SOCS2: variants seen among roughly 807,000 people sequenced by gnomAD.
The protein encoded by SOCS2 is CIS-2.
SOCS2 carries 10 observed loss-of-function variants against 18.6 expected under a neutral mutation model. The ratio of observed to expected loss-of-function variants is 0.54; its 90% confidence interval spans 0.33 to 0.91. The LOEUF is 0.91. Among genes scored for constraint, SOCS2 ranks in the 40% least tolerant of loss-of-function variants. The probability of loss-of-function intolerance (pLI) is 0.02; values close to 1 mark genes in which losing one functional copy is unlikely to be tolerated. For missense variants in SOCS2, 231 were observed against 247.2 expected (o/e 0.93, Z 0.44); for synonymous variants, 104 against 104.0 (o/e 1.00, Z 0.00).
the SOCS2 span, among the ~76,000 whole-genome samples, chr12:93,610,490 G>T: frequency 6.6e-6 from 1 of 152,296 alleles, no homozygotes; most frequent in African/African-American, 2.4e-5. Context: ...CACAGTTTGA[G>T]TAACATTGTG....
chr12:93,618,776 G>A, the SOCS2 span, among the ~76,000 whole-genome samples: 2,309 of 150,958 alleles, frequency 0.015, 61 homozygotes, highest in African/African-American at 0.054. Context: ...AAGCTATTAT[G>A]TTAATATGGT....
chr12:93,579,580 A>G (rs1042244576), downstream of SOCS2, among the ~76,000 whole-genome samples: 5 of 152,204 alleles, frequency 3.3e-5, no homozygotes, highest in South Asian at 2.1e-4. Context: ...TCTGTAAGTA[A>G]GAACGATTCT....
the SOCS2 span, among the ~76,000 whole-genome samples, chr12:93,614,576 T>C: frequency 7.1e-5 from 6 of 84,404 alleles, no homozygotes; most frequent in Non-Finnish European, 2.2e-5. Flanking sequence ...TCTTTCTTTC[T>C]TTCTTTCTTT....
At chr12:93,573,370 C>T in intron 1 of SOCS2, 1 of 495,324 alleles carries the variant, frequency 2.0e-6, no homozygotes. Flanking sequence ...CGGGCGCCTC[C>T]CTTTGCACGG....
chr12:93,588,639 G>C, the SOCS2 span, among the ~76,000 whole-genome samples: 4 of 149,766 alleles, frequency 2.7e-5, no homozygotes, highest in Admixed American at 2.0e-4. Context: ...TTTTGAGCCA[G>C]AGTCTCGCTC....
chr12:93,600,465 T>C, the SOCS2 span, among the ~76,000 whole-genome samples: 1 of 152,140 alleles, frequency 6.6e-6, no homozygotes, highest in Non-Finnish European at 1.5e-5. Flanking sequence ...TTTTTGATTC[T>C]TTACTCTTTG....
At chr12:93,578,446 G>A (rs1366509520), downstream of SOCS2, among the ~76,000 whole-genome samples, 1 of 152,152 alleles carries the variant, frequency 6.6e-6, no homozygotes, top group Non-Finnish European at 1.5e-5. Flanking sequence ...TTGAGTGGCT[G>A]TGGTTATGTC....
chr12:93,625,694 G>A, the SOCS2 span, among the ~76,000 whole-genome samples: 5 of 145,942 alleles, frequency 3.4e-5, no homozygotes, highest in Admixed American at 3.6e-4. Context: ...GTTGCAATGA[G>A]CTGAGATCAC....
chr12:93,624,653 C>T, the SOCS2 span, among the ~76,000 whole-genome samples: 9 of 152,106 alleles, frequency 5.9e-5, no homozygotes, highest in Admixed American at 2.0e-4. Context: ...AGACAATACT[C>T]ATCACCCAAG....
rs769795840 is a variant in SOCS2 at position 93,573,027 on chromosome 12, G to C, written c.130G>C (p.Gly44Arg). Reference sequence around the variant, plus strand: ...TCTGGCGAAGGCCCTGCGGGAGCTCGGTCAGACAGGTAGGGAGCCGATCGG... The same window carrying C: ...TCTGGCGAAGGCCCTGCGGGAGCTCCGTCAGACAGGTAGGGAGCCGATCGG... ...ARLAKALREL[G>R]QTGWYWGSMT... The change falls in exon 1 of 2, where the codon GGT becomes CGT. Residue 44 changes from glycine to arginine, a missense_variant. Physicochemically the swap from Gly to Arg is moderately radical, Grantham distance 125. Around this residue, in one of 3 missense-constraint regions of SOCS2, gnomAD observed 106 missense variants for 103.8 expected, o/e 1.02. Transcript: ENST00000551556. 1.3e-6 allele frequency: 2 copies of C among 1,565,272 alleles called. No individual in the cohort carries two copies. Among genetic ancestry groups the C allele is most frequent in the Non-Finnish European group, 1.7e-6 (2 of 1,159,840 alleles).
At chr12:93,591,366 A>G in the SOCS2 span, among the ~76,000 whole-genome samples, 63 of 152,238 alleles carry the variant, frequency 4.1e-4, no homozygotes, top group Non-Finnish European at 7.1e-4. Flanking sequence ...AGATATTTCT[A>G]GGAACTAGTT....
At chr12:93,610,309 C>T in the SOCS2 span, among the ~76,000 whole-genome samples, 1 of 152,200 alleles carries the variant, frequency 6.6e-6, no homozygotes, top group Admixed American at 6.5e-5. Context: ...GGACACCCCT[C>T]AGTCCCGGGC....
chr12:93,609,504 A>G, the SOCS2 span, among the ~76,000 whole-genome samples: 1 of 151,614 alleles, frequency 6.6e-6, no homozygotes, highest in Non-Finnish European at 1.5e-5. Context: ...AATTACATTG[A>G]TTTACTTAAA....
At chr12:93,602,721 C>T in the SOCS2 span, among the ~76,000 whole-genome samples, 1 of 152,122 alleles carries the variant, frequency 6.6e-6, no homozygotes. Context: ...CGTAACAAAA[C>T]TCCCCTTCAC....
chr12:93,594,315 G>T, the SOCS2 span, among the ~76,000 whole-genome samples: 2 of 151,990 alleles, frequency 1.3e-5, no homozygotes, highest in African/African-American at 2.4e-5. Context: ...GAACTCTGAG[G>T]CTCCTTTTCT....
downstream of SOCS2, among the ~76,000 whole-genome samples, chr12:93,585,986 G>A (rs916221472): frequency 6.6e-6 from 1 of 151,974 alleles, no homozygotes; most frequent in Non-Finnish European, 1.5e-5. Flanking sequence ...GTAAATAGTT[G>A]TTATACTATA....
At chr12:93,619,652 A>G in the SOCS2 span, among the ~76,000 whole-genome samples, 1 of 152,204 alleles carries the variant, frequency 6.6e-6, no homozygotes, top group South Asian at 2.1e-4. Flanking sequence ...GATGATCCTG[A>G]GACCTTAGAG....
the SOCS2 span, among the ~76,000 whole-genome samples, chr12:93,623,438 A>G: frequency 0.12 from 18,670 of 151,806 alleles, 1,428 homozygotes; most frequent in East Asian, 0.34. Flanking sequence ...TTAATTTATT[A>G]TTATTATACT....
intron 1 of SOCS2, chr12:93,573,344 C>T (rs1954331201): frequency 4.0e-6 from 2 of 496,194 alleles, no homozygotes; most frequent in Non-Finnish European, 3.5e-6. Flanking sequence ...GCTCGAACCC[C>T]GGCCGGGGAA....
Sources: allele counts gnomAD v4.1 joint callset (sites outside exome capture counted in the v4.1 genomes callset), GRCh38; gene constraint gnomAD v4.1.1; regional missense constraint gnomAD v4.1.1; transcripts MANE v1.5; gene names NCBI Gene and HGNC (gene_info 2026-07-23, HGNC 2026-07-21).